FMN1: variants seen among roughly 807,000 people sequenced by gnomAD.
FMN1 encodes the protein formin 1, also known as formin-1.
FMN1 carries 110 observed loss-of-function variants against 132.4 expected under a neutral mutation model. The observed-to-expected ratio is 0.83, with a 90% CI of 0.71 to 0.97. The LOEUF is 0.97. Among genes scored for constraint, FMN1 ranks in the 50% least tolerant of loss-of-function variants. The probability of loss-of-function intolerance (pLI) is 0.00; values close to 1 mark genes in which losing one functional copy is unlikely to be tolerated. For synonymous variants in FMN1, 722 were observed against 651.7 expected, an observed-to-expected ratio of 1.11 and a Z score of -1.64; for missense variants, 1,792 against 1,705.3, an observed-to-expected ratio of 1.05 and a Z score of -0.90.
At chr15:32,780,925 C>A (rs912448942) in intron 19 of FMN1, among the ~76,000 whole-genome samples, 3 of 152,130 alleles carry the variant, frequency 2.0e-5, no homozygotes. Context: ...TATGGATACA[C>A]ACATATGAAA....
chr15:33,151,567 C>A (rs1964440158), intron 4 of FMN1, among the ~76,000 whole-genome samples: 1 of 152,030 alleles, frequency 6.6e-6, no homozygotes, highest in South Asian at 2.1e-4. Context: ...AGAAAAAGGG[C>A]AAAATAATAA....
chr15:33,148,227 A>C (rs1382891598), intron 4 of FMN1, among the ~76,000 whole-genome samples: 2 of 152,238 alleles, frequency 1.3e-5, no homozygotes, highest in African/African-American at 4.8e-5. Flanking sequence ...ATTCACTAAT[A>C]AATCGGAGGG....
chr15:32,848,820 T>C (rs910795775), intron 17 of FMN1, among the ~76,000 whole-genome samples: 14 of 152,180 alleles, frequency 9.2e-5, no homozygotes. Flanking sequence ...ATCTGCCTAT[T>C]TTCTACCTGC....
chr15:32,889,062 C>T (rs1229096739), intron 15 of FMN1, among the ~76,000 whole-genome samples: 1 of 152,082 alleles, frequency 6.6e-6, no homozygotes, highest in African/African-American at 2.4e-5. Flanking sequence ...ACCATGTTGC[C>T]TAGGCTGGTC....
In FMN1 at chr15:33,153,526, G is replaced by A. The variant is rs1566955386; in HGVS notation, c.1389C>T (p.Pro463=). ...ETRNKRRAGL[P]LGGHKSLFLD... is the part of the protein sequence containing the mutation. ...GAAACAAGGACTTGTGGCCACCAAGGGGCAACCCGGCTCTCCTCTTGTTTC... is the reference window on the plus strand; with the variant it reads ...GAAACAAGGACTTGTGGCCACCAAGAGGCAACCCGGCTCTCCTCTTGTTTC... Residue 463 remains proline (P), a synonymous_variant, in exon 4 of 21, where the codon CCC becomes CCT. Transcript: ENST00000616417. 3 of 1,536,234 alleles carry A rather than the reference G, an allele frequency of 2.0e-6. No homozygotes were observed. The highest frequency in any genetic ancestry group is 1.4e-5 in the African/African-American group (1 of 73,040).
chr15:32,926,905 C>T (rs2060975700), intron 9 of FMN1, among the ~76,000 whole-genome samples: 1 of 152,104 alleles, frequency 6.6e-6, no homozygotes, highest in South Asian at 2.1e-4. Context: ...CTGCCTCAGC[C>T]TTCAGAGTAG....
chr15:33,017,848 T>C (rs61528630), intron 6 of FMN1, among the ~76,000 whole-genome samples: 3,860 of 152,282 alleles, frequency 0.025, 170 homozygotes, highest in African/African-American at 0.088. Flanking sequence ...ACGGATTTCC[T>C]GAGGTCAGGA....
intron 9 of FMN1, among the ~76,000 whole-genome samples, chr15:32,953,834 G>A (rs1326985615): frequency 6.6e-6 from 1 of 152,194 alleles, no homozygotes; most frequent in African/African-American, 2.4e-5. Flanking sequence ...CCGGAAGGTG[G>A]GAACATTGTG....
chr15:32,830,664 T>C (rs2058477487), intron 17 of FMN1, among the ~76,000 whole-genome samples: 1 of 152,096 alleles, frequency 6.6e-6, no homozygotes, highest in African/African-American at 2.4e-5. Flanking sequence ...TATTTAAAAA[T>C]TGAAAGAAGT....
At chr15:32,811,728 G>A (rs140726735) in intron 17 of FMN1, among the ~76,000 whole-genome samples, 1,812 of 151,436 alleles carry the variant, frequency 0.012, 15 homozygotes, top group Non-Finnish European at 0.019. Context: ...GCAGTGGTGC[G>A]ATCTCGGCTC....
intron 4 of FMN1, among the ~76,000 whole-genome samples, chr15:33,118,705 TATTAG>T (rs1962266858): frequency 6.6e-6 from 1 of 152,122 alleles, no homozygotes; most frequent in South Asian, 2.1e-4. Flanking sequence ...CCATATGAAA[TATTAG>T]ATACAAATAT....
intron 16 of FMN1, among the ~76,000 whole-genome samples, chr15:32,881,885 C>G (rs1302477773): frequency 6.6e-6 from 1 of 152,188 alleles, no homozygotes; most frequent in Non-Finnish European, 1.5e-5. Flanking sequence ...GAAGAGATAA[C>G]AAAACCTTGC....
intron 6 of FMN1, among the ~76,000 whole-genome samples, chr15:33,026,871 C>T (rs2035702787): frequency 6.6e-6 from 1 of 152,144 alleles, no homozygotes; most frequent in South Asian, 2.1e-4. Flanking sequence ...ACTTGCATTT[C>T]CCACGTGGTG....
intron 5 of FMN1, among the ~76,000 whole-genome samples, chr15:33,083,519 G>A (rs188148765): frequency 1.3e-5 from 2 of 152,180 alleles, no homozygotes; most frequent in South Asian, 4.1e-4. Flanking sequence ...AATGAAATCT[G>A]CATAAAAACC....
intron 5 of FMN1, chr15:33,066,952 C>CG: frequency 6.2e-7 from 1 of 1,613,968 alleles, no homozygotes; most frequent in Non-Finnish European, 8.5e-7. Flanking sequence ...GCACAGGCTG[C>CG]GTCAATTTGA....
intron 17 of FMN1, among the ~76,000 whole-genome samples, chr15:32,846,108 T>C (rs1251593716): frequency 6.6e-6 from 1 of 152,216 alleles, no homozygotes. Flanking sequence ...CACAACATTT[T>C]ATTGTGCCTA....
intron 5 of FMN1, among the ~76,000 whole-genome samples, chr15:33,083,202 G>A (rs1418789817): frequency 1.3e-5 from 2 of 152,132 alleles, no homozygotes; most frequent in Non-Finnish European, 2.9e-5. Context: ...TAAGTGATAA[G>A]AGCCATAGAA....
chr15:32,961,525 T>C (rs1371313553), intron 9 of FMN1, among the ~76,000 whole-genome samples: 1 of 152,154 alleles, frequency 6.6e-6, no homozygotes, highest in Non-Finnish European at 1.5e-5. Flanking sequence ...CAGAGTACTA[T>C]ACTTTTTCCT....
chr15:33,076,781 AAC>A (rs1281429372), intron 5 of FMN1, among the ~76,000 whole-genome samples: 2 of 152,206 alleles, frequency 1.3e-5, no homozygotes, highest in Non-Finnish European at 2.9e-5. Flanking sequence ...GGTATTTTAT[AAC>A]AGTTTTCTTT....
Sources: allele counts gnomAD v4.1 joint callset (sites outside exome capture counted in the v4.1 genomes callset), GRCh38; gene constraint gnomAD v4.1.1; transcripts MANE v1.5; gene names NCBI Gene and HGNC (gene_info 2026-07-23, HGNC 2026-07-21).